The following RALGPS1 variants were observed in gnomAD, a reference collection of about 807,000 sequenced individuals.
RALGPS1 encodes ras-specific guanine nucleotide-releasing factor RalGPS1.
RALGPS1 carries 19 observed loss-of-function variants against 78.8 expected under a neutral mutation model. The observed-to-expected ratio is 0.24, with a 90% CI of 0.17 to 0.35. The LOEUF (loss-of-function observed/expected upper bound fraction) is 0.35. Ranked by LOEUF, RALGPS1 falls within the 10% of genes least tolerant of loss-of-function variation. The pLI is 1.00. For missense variants in RALGPS1, 454 were observed against 688.3 expected (o/e 0.66, Z 3.81); for synonymous variants, 228 against 256.3 (o/e 0.89, Z 1.06).
At chr9:126,959,898 T>C (rs1267758826) in intron 1 of RALGPS1, among the ~76,000 whole-genome samples, 1 of 152,200 alleles carries the variant, frequency 6.6e-6, no homozygotes, top group African/African-American at 2.4e-5. Flanking sequence ...CTAAGATCCA[T>C]AGTCAGCTTT....
chr9:127,093,522 G>A (rs2052736723), intron 8 of RALGPS1, among the ~76,000 whole-genome samples: 1 of 152,228 alleles, frequency 6.6e-6, no homozygotes, highest in African/African-American at 2.4e-5. Context: ...AGCAGGCAGA[G>A]GAGGCGCTGG....
chr9:127,073,915 C>G (rs989582327), intron 8 of RALGPS1, among the ~76,000 whole-genome samples: 1 of 152,084 alleles, frequency 6.6e-6, no homozygotes, highest in African/African-American at 2.4e-5. Context: ...CAGTTTCACC[C>G]TTGTTGCCCA....
chr9:127,034,991 C>T (rs556605281), intron 5 of RALGPS1, among the ~76,000 whole-genome samples: 8 of 152,144 alleles, frequency 5.3e-5, no homozygotes, highest in Non-Finnish European at 1.2e-4. Flanking sequence ...GGGGAGTCTT[C>T]CCTGAATCCC....
intron 8 of RALGPS1, among the ~76,000 whole-genome samples, chr9:127,144,794 G>GT (rs948134201): frequency 8.5e-5 from 13 of 152,236 alleles, no homozygotes; most frequent in African/African-American, 3.1e-4. Flanking sequence ...TCCAGAATCA[G>GT]TAAGTCCATA....
At chr9:127,078,417 G>A (rs182838604) in intron 8 of RALGPS1, among the ~76,000 whole-genome samples, 119 of 152,288 alleles carry the variant, frequency 7.8e-4, no homozygotes, top group African/African-American at 2.8e-3. Flanking sequence ...CTTGACTCAT[G>A]ACTTACCCAA....
At chr9:127,169,228 G>C (rs1043211591) in intron 10 of RALGPS1, among the ~76,000 whole-genome samples, 4 of 152,172 alleles carry the variant, frequency 2.6e-5, no homozygotes, top group Admixed American at 2.0e-4. Flanking sequence ...AGTTCTCCAA[G>C]AGCCTGTTTC....
At chr9:127,108,140 C>T (rs780586834) in intron 8 of RALGPS1, 58 of 1,613,802 alleles carry the variant, frequency 3.6e-5, no homozygotes, top group Non-Finnish European at 4.4e-5. Flanking sequence ...TCAAGCTGCG[C>T]GATGATCTCT....
At chr9:127,133,459 C>G (rs911737004) in intron 8 of RALGPS1, among the ~76,000 whole-genome samples, 1 of 152,224 alleles carries the variant, frequency 6.6e-6, no homozygotes, top group East Asian at 1.9e-4. Flanking sequence ...GTGGCGTCCC[C>G]GTCTGCAGAG....
intron 4 of RALGPS1, among the ~76,000 whole-genome samples, chr9:127,003,664 G>T (rs1272179861): frequency 6.6e-6 from 1 of 151,972 alleles, no homozygotes; most frequent in African/African-American, 2.4e-5. Context: ...AATAGATACT[G>T]CCAAACTGTT....
chr9:127,182,379 TC>T (rs1564738101), intron 11 of RALGPS1, among the ~76,000 whole-genome samples: 51 of 30,718 alleles, frequency 1.7e-3, no homozygotes, highest in South Asian at 8.9e-3. Context: ...CCTCCCTCCC[TC>T]CCTCCCTCCC....
chr9:127,207,401 G>A (rs749798506), intron 14 of RALGPS1, among the ~76,000 whole-genome samples: 1 of 152,076 alleles, frequency 6.6e-6, no homozygotes, highest in Admixed American at 6.5e-5. Flanking sequence ...TTAGTCAAAC[G>A]GCCTTCCTAG....
At chr9:127,216,913 G>C in intron 18 of RALGPS1, 1 of 1,545,090 alleles carries the variant, frequency 6.5e-7, no homozygotes, top group African/African-American at 1.4e-5. Context: ...CAGGAAGCCG[G>C]AGCAGCTCCA....
chr9:127,013,892 C>A (rs1020947288), intron 4 of RALGPS1, among the ~76,000 whole-genome samples: 1 of 152,240 alleles, frequency 6.6e-6, no homozygotes, highest in Non-Finnish European at 1.5e-5. Flanking sequence ...CTAGTCCCCC[C>A]ACTTCAGCTA....
intron 7 of RALGPS1, among the ~76,000 whole-genome samples, chr9:127,067,393 C>T (rs1016919916): frequency 1.3e-5 from 2 of 152,240 alleles, no homozygotes; most frequent in Admixed American, 6.5e-5. Flanking sequence ...TATCACTGCT[C>T]CTGTGCAAGT....
intron 1 of RALGPS1, among the ~76,000 whole-genome samples, chr9:126,938,969 G>C (rs1305671084): frequency 6.6e-6 from 1 of 152,192 alleles, no homozygotes; most frequent in Non-Finnish European, 1.5e-5. Flanking sequence ...GCTGGGTGTG[G>C]CCAGGGATGT....
intron 1 of RALGPS1, among the ~76,000 whole-genome samples, chr9:126,923,323 A>T (rs569495938): frequency 2.4e-4 from 37 of 152,352 alleles, no homozygotes; most frequent in African/African-American, 8.7e-4. Context: ...CCCAAGATGT[A>T]GCTGTGAGAG....
intron 11 of RALGPS1, among the ~76,000 whole-genome samples, chr9:127,185,466 G>A (rs1475531088): frequency 6.6e-6 from 1 of 152,136 alleles, no homozygotes; most frequent in Non-Finnish European, 1.5e-5. Flanking sequence ...TGCTCAACTG[G>A]GCAAGTTCCT....
intron 14 of RALGPS1, among the ~76,000 whole-genome samples, chr9:127,200,057 C>T (rs1588520078): frequency 6.6e-6 from 1 of 152,180 alleles, no homozygotes; most frequent in African/African-American, 2.4e-5. Context: ...TTCATATAAC[C>T]ACACTGTCAC....
intron 1 of RALGPS1, among the ~76,000 whole-genome samples, chr9:126,955,936 C>CA (rs1367308061): frequency 5.3e-5 from 8 of 152,218 alleles, no homozygotes; most frequent in Non-Finnish European, 8.8e-5. Flanking sequence ...CTGATGCTGA[C>CA]AGAGAGGCAT....
Sources: allele counts gnomAD v4.1 joint callset (sites outside exome capture counted in the v4.1 genomes callset), GRCh38; gene constraint gnomAD v4.1.1; transcripts MANE v1.5; gene names NCBI Gene and HGNC (gene_info 2026-07-23, HGNC 2026-07-21).